Variants in PRRC2B observed in about 807,000 individuals in gnomAD.
PRRC2B encodes the protein protein PRRC2B.
PRRC2B carries 68 observed loss-of-function variants against 242.3 expected under a neutral mutation model. The ratio of observed to expected loss-of-function variants is 0.28; its 90% CI spans 0.23 to 0.34. PRRC2B has a LOEUF of 0.34. Among genes scored for constraint, PRRC2B ranks in the 10% least tolerant of loss-of-function variants. The pLI, the probability that PRRC2B is intolerant of heterozygous loss-of-function variation, is 1.00. For synonymous variants in PRRC2B, 1,228 were observed against 1,173.6 expected, an observed-to-expected ratio of 1.05 and a Z score of -0.95; for missense variants, 2,835 against 2,954.8, an observed-to-expected ratio of 0.96 and a Z score of 0.94.
chr9:131,473,499 C>T lies in PRRC2B; in HGVS notation c.2108-9C>T, dbSNP rs1172662952. On this transcript the variant is annotated splice_polypyrimidine_tract_variant and intron_variant, in intron 14 of 31. Coordinates refer to ENST00000683519, the MANE Select transcript of PRRC2B (RefSeq NM_013318.4). ...TGAGATGATGTAGATCAGTCTTTGCCTTCTTCAGGACTGATGAAGCCCATG... is the reference window on the plus strand; with the variant it reads ...TGAGATGATGTAGATCAGTCTTTGCTTTCTTCAGGACTGATGAAGCCCATG... 3 of 1,581,792 alleles carry T rather than the reference C, an allele frequency of 1.9e-6. No individual in the cohort carries two copies. The highest frequency in any genetic ancestry group is 2.6e-6 in the Non-Finnish European group (3 of 1,162,142).
intron 9 of PRRC2B, among the ~76,000 whole-genome samples, chr9:131,453,605 C>T (rs1157500826): frequency 6.6e-6 from 1 of 152,136 alleles, no homozygotes; most frequent in Non-Finnish European, 1.5e-5. Flanking sequence ...AGTCACAGCT[C>T]ACTGCAACGT....
intron 1 of PRRC2B, among the ~76,000 whole-genome samples, chr9:131,383,581 TGTTTTG>T (rs932596928): frequency 1.4e-4 from 21 of 149,568 alleles, no homozygotes; most frequent in African/African-American, 4.9e-4. Flanking sequence ...TTTGTTTGTT[TGTTTTG>T]GTTTTGGTTT....
At chr9:131,488,751 G>A (rs1040972555) in intron 28 of PRRC2B, among the ~76,000 whole-genome samples, 1 of 152,204 alleles carries the variant, frequency 6.6e-6, no homozygotes, top group African/African-American at 2.4e-5. Flanking sequence ...TGAAACGCCA[G>A]CTTTGAAGCC....
At chr9:131,407,288 C>T (rs998633105) in intron 1 of PRRC2B, among the ~76,000 whole-genome samples, 1 of 151,646 alleles carries the variant, frequency 6.6e-6, no homozygotes, top group South Asian at 2.1e-4. Context: ...CAGTGCAATA[C>T]GGTTTTTTAG....
At position 131,482,976 on chromosome 9, in the gene PRRC2B, G is replaced by C; in HGVS notation, c.5373+69G>C. The C allele has an allele frequency of 6.6e-7, 1 of 1,512,498 alleles. No individual in the cohort carries two copies. The highest frequency in any genetic ancestry group is 1.2e-5 in the South Asian group (1 of 82,598). 93.7% of individuals were successfully genotyped at this position (1,512,498 alleles called of 1,614,324 possible). A position where few individuals can be genotyped will look rare whatever the true frequency, so the allele number is the denominator to read the frequency against. On this transcript the variant is annotated intron_variant, in intron 22 of 31. Transcript: ENST00000683519. This position sits in a 1 kb window ranked among gnomAD's most constrained non-coding sequence, Gnocchi z 5.2. ...ATTTTGGTACTTGGAGAGGCTGGGGGCTCAGATGGGATTGTCTCCTAGAAG... is the reference window on the plus strand; with the variant it reads ...ATTTTGGTACTTGGAGAGGCTGGGGCCTCAGATGGGATTGTCTCCTAGAAG...
At chr9:131,415,025 C>T (rs901983340) in intron 1 of PRRC2B, among the ~76,000 whole-genome samples, 2 of 152,186 alleles carry the variant, frequency 1.3e-5, no homozygotes, top group Non-Finnish European at 2.9e-5. Flanking sequence ...CGGAGTTTCA[C>T]TCTGTTGCCC....
At chr9:131,467,798 T>C in intron 13 of PRRC2B, 45 bp downstream of exon 13, 1 of 1,593,498 alleles carries the variant, frequency 6.3e-7, no homozygotes, top group Non-Finnish European at 8.6e-7. Context: ...CAGGCCTGAG[T>C]GCCGAGCAGA....
At chr9:131,439,852 G>C (rs1466795401) in intron 5 of PRRC2B, among the ~76,000 whole-genome samples, 1 of 151,858 alleles carries the variant, frequency 6.6e-6, no homozygotes, top group Admixed American at 6.6e-5. Flanking sequence ...TCCCACCTCA[G>C]CTTCCTGAGT....
At chr9:131,469,981 C>T (rs767975369) in intron 13 of PRRC2B, among the ~76,000 whole-genome samples, 14 of 152,028 alleles carry the variant, frequency 9.2e-5, no homozygotes, top group East Asian at 1.9e-4. Flanking sequence ...AGCAGAGGAC[C>T]GGGGACCTGG....
rs1943900748 is a variant in PRRC2B at position 131,482,592 on chromosome 9, A to G, written c.5175+30A>G. ...CCTGGACGTTCCAGTCACAGTGGCC[A>G]GGGCCTGGGTGGAAGGGGCCATCGT... On this transcript the variant is annotated intron_variant, in intron 21 of 31. Transcript: ENST00000683519. The surrounding 1 kb of genome is among the most constrained non-coding windows in gnomAD (Gnocchi z 5.2). 1.3e-6 allele frequency: 2 copies of G among 1,566,598 alleles called. No individual in the cohort carries two copies. Among genetic ancestry groups the G allele is most frequent in the Admixed American group, 1.9e-5 (1 of 53,956 alleles).
rs965406828 is a variant in PRRC2B at position 131,464,990 on chromosome 9, G to C, written c.1632G>C (p.Glu544Asp). ...QKCKQARKAGEARKQAEKEVP... is the reference protein window; with the variant it reads ...QKCKQARKAGDARKQAEKEVP... ...GTAAGCAGGCACGAAAGGCAGGTGA[G>C]GCCCGGAAGCAGGCAGAGAAGGAAG... Residue 544 changes from glutamate (E) to aspartate (D), a missense_variant, in exon 12 of 32, where the codon GAG becomes GAC. Around this residue, in one of 7 missense-constraint regions of PRRC2B, gnomAD observed 1,536 missense variants for 1,483.1 expected, o/e 1.04. Coordinates refer to ENST00000683519, the MANE Select transcript of PRRC2B (RefSeq NM_013318.4). 1 of 1,613,898 alleles carries C rather than the reference G, an allele frequency of 6.2e-7. No individual in the cohort carries two copies. Among genetic ancestry groups the C allele is most frequent in the African/African-American group, 1.3e-5 (1 of 74,926 alleles).
At chr9:131,428,873 G>T (rs552508735) in intron 1 of PRRC2B, among the ~76,000 whole-genome samples, 14 of 152,226 alleles carry the variant, frequency 9.2e-5, no homozygotes, top group Non-Finnish European at 1.8e-4. Context: ...TATTGCCAAG[G>T]TTGGGTATGG....
intron 1 of PRRC2B, among the ~76,000 whole-genome samples, chr9:131,394,980 C>CT (rs1837005212): frequency 6.7e-6 from 1 of 148,328 alleles, no homozygotes. Flanking sequence ...TTTTCCTCCT[C>CT]TTTTGCCTCC....
rs763394769 is a variant in PRRC2B, at chr9:131,476,147, C to T, written c.4018C>T (p.Pro1340Ser). 1.2e-6 allele frequency: 2 copies of T among 1,611,962 alleles called. No homozygotes were observed. The highest frequency in any genetic ancestry group is 1.1e-5 in the South Asian group (1 of 91,052). ...GCCCCACCTGCTGGCAGGTCAGTGGCCAGGCAGGCCCAAACTGTGTTCTGG... is the reference window on the plus strand; with the variant it reads ...GCCCCACCTGCTGGCAGGTCAGTGGTCAGGCAGGCCCAAACTGTGTTCTGG... Reference protein sequence around the residue: ...EEPHLLAGQWPGRPKLCSGDK... With the variant: ...EEPHLLAGQWSGRPKLCSGDK... The change falls in exon 16 of 32, where the codon CCA (proline) becomes TCA (serine). Residue 1340 changes from proline to serine, a missense_variant. Transcript: ENST00000683519.
chr9:131,479,004 G>T (rs549682285), intron 18 of PRRC2B, among the ~76,000 whole-genome samples: 1 of 152,004 alleles, frequency 6.6e-6, no homozygotes, highest in Non-Finnish European at 1.5e-5. Flanking sequence ...GATCGTGAAC[G>T]CTATACTAAA....
intron 1 of PRRC2B, among the ~76,000 whole-genome samples, chr9:131,403,662 TA>T (rs745747729): frequency 0.12 from 1,151 of 9,494 alleles, 12 homozygotes; most frequent in African/African-American, 0.14. Context: ...GCCCATACTT[TA>T]AAAAAAAAAA....
chr9:131,461,952 A>T (rs1421208807), intron 11 of PRRC2B, among the ~76,000 whole-genome samples: 1 of 152,230 alleles, frequency 6.6e-6, no homozygotes, highest in Non-Finnish European at 1.5e-5. Context: ...GGTACAAGAG[A>T]TACAGAAGTG....
intron 1 of PRRC2B, 21 bp from the exon 2 acceptor site, chr9:131,430,073 T>A: frequency 1.4e-6 from 1 of 697,354 alleles, no homozygotes; most frequent in Non-Finnish European, 2.4e-6. Flanking sequence ...TTTTTTTTTT[T>A]CTTCTCTATT....
chr9:131,441,438 C>T (rs1377290119), intron 5 of PRRC2B, among the ~76,000 whole-genome samples: 1 of 152,180 alleles, frequency 6.6e-6, no homozygotes, highest in Non-Finnish European at 1.5e-5. Context: ...CACCTGTTAT[C>T]CCAGCTACTT....
Sources: gnomAD v4.1 joint callset for allele counts (sites outside exome capture counted in the v4.1 genomes callset) on GRCh38, gnomAD v4.1.1 for gene constraint, gnomAD v4.1.1 regional missense constraint, Gnocchi (gnomAD v3.1) non-coding constraint, MANE v1.5 for transcripts, NCBI Gene and HGNC (gene_info 2026-07-23, HGNC 2026-07-21) for gene names.